The following KLRD1 variants were observed in gnomAD, a reference collection of about 807,000 sequenced individuals.
KLRD1 encodes the protein natural killer cells antigen CD94.
KLRD1 carries 21 observed loss-of-function variants against 22.6 expected under a neutral mutation model. That is an observed-to-expected ratio of 0.93 (90% CI 0.66 to 1.34). The LOEUF is 1.34. KLRD1 is among the 40% of genes most tolerant of loss of function. The pLI is 0.00. For missense variants in KLRD1, 183 were observed against 208.6 expected, an observed-to-expected ratio of 0.88 and a Z score of 0.76; for synonymous variants, 59 against 71.1, an observed-to-expected ratio of 0.83 and a Z score of 0.85.
At chr12:10,288,192 G>A (rs544561052) in intron 1 of KLRD1, among the ~76,000 whole-genome samples, 6 of 149,202 alleles carry the variant, frequency 4.0e-5, no homozygotes, top group Non-Finnish European at 7.4e-5. Flanking sequence ...ACAGTGAGCC[G>A]ATATTGCGCC....
chr12:10,314,681 C>A lies in KLRD1; in HGVS notation c.428C>A (p.Ser143Ter). 6.4e-7 allele frequency: 1 copy of A among 1,564,558 alleles called. No individual in the cohort carries two copies. Among genetic ancestry groups the A allele is most frequent in the Non-Finnish European group, 8.6e-7 (1 of 1,159,794 alleles). The change falls in exon 6 of 6, where the codon TCA becomes TAA. Residue 143 changes from serine to a stop codon, truncating the protein, a stop_gained. Transcript: ENST00000336164. LOFTEE classifies it low-confidence loss of function (END_TRUNC). ...GSALSQYLFPSFETFNTKNCI... is the reference protein window; with the variant it reads ...GSALSQYLFP ...TTTCTTCTTCATTACAGATTTCCAT[C>A]ATTTGAAACTTTTAATACAAAGAAC...
At position 10,321,301 on chromosome 12, in the gene KLRD1, A is replaced by G. The variant is rs1417989789; in HGVS notation, c.*6508A>G. 1 of 152,240 alleles carries G rather than the reference A, an allele frequency of 6.6e-6. No individual in the cohort carries two copies. The highest frequency in any genetic ancestry group is 1.5e-5 in the Non-Finnish European group (1 of 68,040). 9.4% of individuals were successfully genotyped at this position (152,240 alleles called of 1,614,324 possible). On this transcript the variant is annotated 3_prime_UTR_variant, in exon 6 of 6. Transcript: ENST00000336164. ...GTTAATTTCACAAGCCTTCACATGG[A>G]GAAAAATGATACTCAAGAAGCTAAA...
chr12:10,305,938 G>A (rs3759271), upstream of KLRD1, among the ~76,000 whole-genome samples: 434 of 152,162 alleles, frequency 2.9e-3, 8 homozygotes, highest in East Asian at 0.051. Context: ...CGAGGCGGGC[G>A]GATCACGAGG....
Position 10,324,818 on chromosome 12 carries a change from G to GTGTATATATATATATATATATATATA in KLRD1, c.*10026_*10027insGTATATATATATATATATATATATAT, listed in dbSNP as rs750696767. ...AGTATATATGTATATGTGTGTGTGT[G>GTGTATATATATATATATATATATATA]TATATATATATATATATATATATAT... is the stretch of plus-strand genomic sequence containing the variant. On this transcript the variant is annotated 3_prime_UTR_variant, in exon 6 of 6. Transcript: ENST00000336164. 1.9e-4 allele frequency: 14 copies of GTGTATATATATATATATATATATATA among 74,148 alleles called. No individual in the cohort carries two copies. The highest frequency in any genetic ancestry group is 1.4e-3 in the South Asian group (2 of 1,466). 4.6% of individuals were successfully genotyped at this position (74,148 alleles called of 1,614,324 possible).
chr12:10,277,263 A>G (rs1395798331), intron 1 of KLRD1, among the ~76,000 whole-genome samples: 1 of 152,108 alleles, frequency 6.6e-6, no homozygotes, highest in African/African-American at 2.4e-5. Context: ...TTCTAATTGC[A>G]TGAAATATTT....
intron 1 of KLRD1, among the ~76,000 whole-genome samples, chr12:10,256,410 T>C (rs1020865747): frequency 7.5e-6 from 1 of 133,020 alleles, no homozygotes; most frequent in Non-Finnish European, 1.6e-5. Context: ...TTATTGACTT[T>C]CTTTGTGATT....
chr12:10,244,715 A>G (rs1949274496), intron 1 of KLRD1, among the ~76,000 whole-genome samples: 1 of 151,908 alleles, frequency 6.6e-6, no homozygotes, highest in African/African-American at 2.4e-5. Context: ...CCTGGGAGGC[A>G]GGGGTTGCAG....
chr12:10,277,534 T>G (rs754783123), intron 1 of KLRD1, among the ~76,000 whole-genome samples: 5 of 152,140 alleles, frequency 3.3e-5, no homozygotes, highest in Non-Finnish European at 5.9e-5. Flanking sequence ...TTTGTGAATT[T>G]GGGACTCAGT....
chr12:10,265,057 C>G (rs1276745051), intron 1 of KLRD1, among the ~76,000 whole-genome samples: 1 of 152,018 alleles, frequency 6.6e-6, no homozygotes, highest in Admixed American at 6.6e-5. Flanking sequence ...AATACCCTCT[C>G]TCTATATATG....
In KLRD1 at chr12:10,323,199, C is replaced by G. The variant is rs190237122; in HGVS notation, c.*8406C>G. On this transcript the variant is annotated 3_prime_UTR_variant, in exon 6 of 6. Transcript: ENST00000336164. ...ACGCCTAGGAGTTGAATTTCTAAGT[C>G]ATAAGCTGTCATATATTTAGGCCCT... 6.6e-6 allele frequency: 1 copy of G among 152,238 alleles called. No individual in the cohort carries two copies. The highest frequency in any genetic ancestry group is 6.5e-5 in the Admixed American group (1 of 15,288). 9.4% of individuals were successfully genotyped at this position (152,238 alleles called of 1,614,324 possible).
intron 3 of KLRD1, 92 bp downstream of exon 3, chr12:10,309,780 T>C: frequency 3.5e-6 from 3 of 850,448 alleles, no homozygotes; most frequent in South Asian, 3.0e-5. Context: ...TGGAATATTA[T>C]ACTTAGTAAT....
At position 10,274,327 on chromosome 12, in the gene KLRD1, A is replaced by G. The variant is rs368189677; in HGVS notation, c.-100-33651A>G. Among the ~76,000 whole-genome samples the G allele has an allele frequency of 9.2e-5, 14 of 152,322 alleles. No individual in the cohort carries two copies. The East Asian group carries it at 1.2e-3, about 13-fold the overall frequency. ...GTTACAGGTTATTTACAAAAATTAC[A>G]TCTAGTAGATAAGGATGTGAAATGG... On this transcript the variant is annotated intron_variant, in intron 1 of 5. Coordinates refer to the KLRD1 transcript ENST00000544747.
rs901602124 is a variant in KLRD1, at chr12:10,321,318, G to C, written c.*6525G>C. ...TCACATGGAGAAAAATGATACTCAA[G>C]AAGCTAAACTTAAGGAACTTCACCT... On this transcript the variant is annotated 3_prime_UTR_variant, in exon 6 of 6. Transcript: ENST00000336164. 1 of 152,172 alleles carries C rather than the reference G, an allele frequency of 6.6e-6. No homozygotes were observed. The highest frequency in any genetic ancestry group is 1.9e-4 in the East Asian group (1 of 5,184). The allele number at this position is 152,172 out of a possible 1,614,324, so 9.4% of individuals were successfully genotyped here. A position where few individuals can be genotyped will look rare whatever the true frequency, so the allele number is the denominator to read the frequency against.
chr12:10,311,348 C>CA, intron 3 of KLRD1, 116 bp from the exon 4 acceptor site: 1 of 912,018 alleles, frequency 1.1e-6, no homozygotes, highest in Non-Finnish European at 1.7e-6. Flanking sequence ...GTGGTGTATA[C>CA]AGTAGATTCT....
intron 1 of KLRD1, among the ~76,000 whole-genome samples, chr12:10,260,852 G>GTT (rs1460813656): frequency 5.3e-5 from 8 of 151,986 alleles, no homozygotes; most frequent in Non-Finnish European, 1.0e-4. Flanking sequence ...TGAGGCAGGA[G>GTT]AATGGCATGA....
chr12:10,311,970 A>G (rs1039765845), intron 4 of KLRD1, among the ~76,000 whole-genome samples: 5 of 151,814 alleles, frequency 3.3e-5, no homozygotes, highest in African/African-American at 1.2e-4. Context: ...ATCTTTTATA[A>G]TTTTATAGTT....
intron 1 of KLRD1, among the ~76,000 whole-genome samples, chr12:10,254,465 G>A (rs115882267): frequency 0.016 from 2,271 of 145,688 alleles, 58 homozygotes; most frequent in African/African-American, 0.053. Context: ...TATCAACAGA[G>A]TAAACAGACA....
intron 4 of KLRD1, 184 bp downstream of exon 4, chr12:10,311,799 AT>A: frequency 2.1e-6 from 1 of 482,292 alleles, no homozygotes; most frequent in Non-Finnish European, 3.6e-6. Context: ...TTCCTTAATG[AT>A]TATATCATGG....
At chr12:10,295,548 T>G (rs1409212615) in intron 1 of KLRD1, among the ~76,000 whole-genome samples, 2 of 152,158 alleles carry the variant, frequency 1.3e-5, no homozygotes, top group African/African-American at 4.8e-5. Context: ...CTAAATAATT[T>G]GAATTTAATT....
Sources: allele counts gnomAD v4.1 joint callset (sites outside exome capture counted in the v4.1 genomes callset), GRCh38; gene constraint gnomAD v4.1.1; transcripts MANE v1.5; gene names NCBI Gene and HGNC (gene_info 2026-07-23, HGNC 2026-07-21).